PCDHGA8: variants seen among roughly 807,000 people sequenced by gnomAD.
PCDHGA8 encodes the protein protocadherin gamma-A8.
A neutral mutation model predicts 59.2 loss-of-function variants in PCDHGA8; 45 were observed. The ratio of observed to expected loss-of-function variants is 0.76; its 90% CI spans 0.60 to 0.98. The LOEUF is 0.98. Among genes scored for constraint, PCDHGA8 ranks in the 50% least tolerant of loss-of-function variants. The probability of loss-of-function intolerance (pLI) is 0.00; values close to 1 mark genes in which losing one functional copy is unlikely to be tolerated. For missense variants in PCDHGA8, 1,257 were observed against 1,196.2 expected, an observed-to-expected ratio of 1.05 and a Z score of -0.75; for synonymous variants, 531 against 519.0, an observed-to-expected ratio of 1.02 and a Z score of -0.32.
intron 1 of PCDHGA8, chr5:141,442,016 C>CCA (rs1561906409): frequency 4.6e-6 from 1 of 219,336 alleles, no homozygotes; most frequent in African/African-American, 2.4e-5. Context: ...GCACGATGGG[C>CCA]CACAGGAAAG....
intron 2 of PCDHGA8, among the ~76,000 whole-genome samples, chr5:141,495,377 G>A (rs558501090): frequency 1.9e-4 from 29 of 152,330 alleles, no homozygotes; most frequent in Admixed American, 6.5e-4. Flanking sequence ...ACTGAGGAAG[G>A]ACTGGGCGGG....
intron 1 of PCDHGA8, among the ~76,000 whole-genome samples, chr5:141,480,274 G>A (rs111260319): frequency 6.6e-6 from 1 of 152,036 alleles, no homozygotes; most frequent in Non-Finnish European, 1.5e-5. Context: ...CATTAGCTGG[G>A]TGTGTTGGCA....
Position 141,476,301 on chromosome 5 carries a change from C to T in PCDHGA8, c.2425-18506C>T. On this transcript the variant is annotated intron_variant, in intron 1 of 3. Transcript: ENST00000398604. The surrounding 1 kb of genome is among the most constrained non-coding windows in gnomAD (Gnocchi z 7.6). ...CTTGGTTTGGATCTCGGTAGCCTCT[C>T]AGCCCGCAGGTTCCGGGTGGTGTCT... is the stretch of plus-strand genomic sequence containing the variant. The T allele has an allele frequency of 1.9e-6, 3 of 1,613,778 alleles. No homozygotes were observed. The highest frequency in any genetic ancestry group is 2.5e-6 in the Non-Finnish European group (3 of 1,179,908).
At chr5:141,407,314 T>G (rs2094914230) in intron 1 of PCDHGA8, among the ~76,000 whole-genome samples, 1 of 152,212 alleles carries the variant, frequency 6.6e-6, no homozygotes, top group Non-Finnish European at 1.5e-5. Flanking sequence ...CCTTCATACT[T>G]AGTATTTATA....
chr5:141,428,167 G>GCGTGA (rs746443726), intron 1 of PCDHGA8: 3 of 1,548,998 alleles, frequency 1.9e-6, no homozygotes, highest in South Asian at 1.1e-5. Context: ...TGGTTGCTGT[G>GCGTGA]CGTGACGGAG....
intron 1 of PCDHGA8, chr5:141,427,891 G>A (rs767506033): frequency 1.3e-6 from 2 of 1,566,658 alleles, no homozygotes; most frequent in South Asian, 2.2e-5. Context: ...CACGACCAGG[G>A]CTCGCCCGCG....
intron 1 of PCDHGA8, chr5:141,419,601 C>T (rs753678898): frequency 6.2e-7 from 1 of 1,611,818 alleles, no homozygotes; most frequent in South Asian, 1.1e-5. Context: ...GTGCCGCGGG[C>T]CGCGCAGCCA....
intron 1 of PCDHGA8, among the ~76,000 whole-genome samples, chr5:141,444,110 A>C (rs1284415694): frequency 6.7e-6 from 1 of 149,880 alleles, no homozygotes; most frequent in Non-Finnish European, 1.5e-5. Flanking sequence ...AACCAAGAAA[A>C]GTGAAGTATC....
At chr5:141,464,746 T>G (rs1317670068) in intron 1 of PCDHGA8, among the ~76,000 whole-genome samples, 1 of 152,220 alleles carries the variant, frequency 6.6e-6, no homozygotes, top group Non-Finnish European at 1.5e-5. Context: ...TATATCTTTT[T>G]GTTTTTTTAG....
intron 1 of PCDHGA8, chr5:141,430,598 T>G: frequency 1.7e-6 from 1 of 598,568 alleles, no homozygotes; most frequent in Non-Finnish European, 2.6e-6. Context: ...TGCACGCGCC[T>G]GAAGCACAAA....
In PCDHGA8 at chr5:141,393,528, G is replaced by A; in HGVS notation, c.715G>A (p.Ala239Thr). The change falls in exon 1 of 4, where the codon GCC becomes ACC. Residue 239 changes from alanine (A) to threonine (T), a missense_variant. Ala to Thr is a moderately conservative substitution (Grantham distance 58). Transcript: ENST00000398604. Reference protein sequence around the residue: ...HVTVLDTNDNAPVFPHPIYRV... With the variant: ...HVTVLDTNDNTPVFPHPIYRV... ...GACAGTGTTGGATACAAATGACAAT[G>A]CCCCGGTTTTTCCTCACCCGATTTA... is the stretch of plus-strand genomic sequence containing the variant. The A allele has an allele frequency of 4.3e-6, 7 of 1,613,988 alleles. No individual in the cohort carries two copies. Among genetic ancestry groups the A allele is most frequent in the East Asian group, 4.5e-5 (2 of 44,880 alleles).
intron 1 of PCDHGA8, among the ~76,000 whole-genome samples, chr5:141,463,911 T>C (rs749224024): frequency 6.6e-6 from 1 of 152,156 alleles, no homozygotes; most frequent in African/African-American, 2.4e-5. Context: ...TAATAATATA[T>C]CCTGGAAATC....
intron 1 of PCDHGA8, chr5:141,422,218 A>T: frequency 1.3e-6 from 2 of 1,564,130 alleles, no homozygotes; most frequent in Non-Finnish European, 8.6e-7. Flanking sequence ...TCTCTTTACC[A>T]CCACGACGAT....
chr5:141,409,749 C>T (rs1477022032), intron 1 of PCDHGA8: 4 of 1,613,030 alleles, frequency 2.5e-6, no homozygotes, highest in Admixed American at 1.7e-5. Context: ...GTGGTGTTCG[C>T]GCAGCGCGCC....
chr5:141,498,971 GGGAAGGAAGGAAGGAAGGAAGGAAGGAA>G (rs201769957), intron 2 of PCDHGA8, among the ~76,000 whole-genome samples: 8 of 111,052 alleles, frequency 7.2e-5, no homozygotes, highest in South Asian at 3.8e-4. Flanking sequence ...GAGGGAGGGA[GGGAAGGAAGGAAGGAAGGAAGGAAGGAA>G]GGAAGGAAGG....
At chr5:141,405,187 G>A (rs372851700) in intron 1 of PCDHGA8, 1 of 1,613,360 alleles carries the variant, frequency 6.2e-7, no homozygotes, top group East Asian at 2.2e-5. Flanking sequence ...GTGTAGATGG[G>A]GTTCGAGCTT....
Position 141,476,480 on chromosome 5 carries a change from G to A in PCDHGA8, c.2425-18327G>A, listed in dbSNP as rs761828753. 1 of 1,614,108 alleles carries A rather than the reference G, an allele frequency of 6.2e-7. No individual in the cohort carries two copies. The highest frequency in any genetic ancestry group is 2.2e-5 in the East Asian group (1 of 44,846). On this transcript the variant is annotated intron_variant, in intron 1 of 3. Transcript: ENST00000398604. This position sits in a 1 kb window ranked among gnomAD's most constrained non-coding sequence, Gnocchi z 7.6. ...GAACCCGCTGGAGCTGTTCAGCGTG[G>A]AAGTGGTGATCCAGGACATCAACGA...
chr5:141,451,037 C>T (rs1293972996), intron 1 of PCDHGA8, among the ~76,000 whole-genome samples: 1 of 151,594 alleles, frequency 6.6e-6, no homozygotes, highest in Middle Eastern at 3.2e-3. Context: ...ACCATATTGG[C>T]CAGGCTGGTC....
chr5:141,441,740 G>T (rs1241907865), intron 1 of PCDHGA8: 2 of 364,772 alleles, frequency 5.5e-6, no homozygotes, highest in Non-Finnish European at 1.1e-5. Context: ...ACTAGCTCGC[G>T]CTCGGCGTCA....
Sources: allele counts gnomAD v4.1 joint callset (sites outside exome capture counted in the v4.1 genomes callset), GRCh38; gene constraint gnomAD v4.1.1; non-coding constraint Gnocchi (gnomAD v3.1); transcripts MANE v1.5; gene names NCBI Gene and HGNC (gene_info 2026-07-23, HGNC 2026-07-21).